AFF1: variants seen among roughly 807,000 people sequenced by gnomAD.
The protein encoded by AFF1 is AF4/FMR2 family member 1.
In AFF1, 48 loss-of-function variants were observed where a neutral mutation model predicts 121.7. The ratio of observed to expected loss-of-function variants is 0.39; its 90% CI spans 0.31 to 0.50. The LOEUF is 0.50. Ranked by LOEUF, AFF1 falls within the 20% of genes least tolerant of loss-of-function variation. AFF1 has a pLI of 0.76. For synonymous variants in AFF1, 613 were observed against 563.0 expected (o/e 1.09, Z -1.26); for missense variants, 1,523 against 1,511.7 (o/e 1.01, Z -0.12).
chr4:87,101,747 C>G (rs1398457653), intron 8 of AFF1, among the ~76,000 whole-genome samples: 5 of 152,172 alleles, frequency 3.3e-5, no homozygotes, highest in Non-Finnish European at 7.4e-5. Context: ...AAAAGTGTTA[C>G]TTTTCTTATT....
intron 1 of AFF1, 42 bp from the exon 2 acceptor site, chr4:86,948,456 C>T: frequency 7.3e-7 from 1 of 1,361,112 alleles, no homozygotes; most frequent in Non-Finnish European, 1.0e-6. Flanking sequence ...TGAATTTACT[C>T]ACAGGCTAAT....
chr4:86,996,739 CAAAA>C (rs941462118), intron 2 of AFF1, among the ~76,000 whole-genome samples: 6 of 149,052 alleles, frequency 4.0e-5, no homozygotes, highest in African/African-American at 1.0e-4. Context: ...AACAAACAAA[CAAAA>C]AAACCCACAA....
chr4:87,049,249 T>C (rs184372464), intron 4 of AFF1, among the ~76,000 whole-genome samples: 114 of 152,270 alleles, frequency 7.5e-4, no homozygotes, highest in African/African-American at 2.6e-3. Context: ...GAGAAATCGG[T>C]CCTTGCTGCA....
intron 8 of AFF1, among the ~76,000 whole-genome samples, chr4:87,095,985 G>A (rs1282032159): frequency 6.6e-6 from 1 of 152,126 alleles, no homozygotes; most frequent in Non-Finnish European, 1.5e-5. Context: ...ATTTTGGAAG[G>A]TGGGGATTGC....
At chr4:86,940,307 T>G (rs2594278) in intron 1 of AFF1, among the ~76,000 whole-genome samples, 41,148 of 152,142 alleles carry the variant, frequency 0.27, 6,739 homozygotes, top group South Asian at 0.48. Flanking sequence ...TTTCTTAGAC[T>G]GGTTTCCTAA....
chr4:87,045,736 G>T (rs571409855), intron 2 of AFF1, among the ~76,000 whole-genome samples: 2 of 152,070 alleles, frequency 1.3e-5, no homozygotes, highest in African/African-American at 2.4e-5. Flanking sequence ...CAAAATGTAC[G>T]CTACTGATCC....
chr4:86,971,934 T>G (rs950071038), intron 2 of AFF1, among the ~76,000 whole-genome samples: 6 of 151,936 alleles, frequency 3.9e-5, no homozygotes, highest in Non-Finnish European at 5.9e-5. Flanking sequence ...CCCAGGAATT[T>G]GAGACCAGCC....
intron 5 of AFF1, among the ~76,000 whole-genome samples, chr4:87,086,005 T>C (rs1432483510): frequency 6.6e-6 from 1 of 152,136 alleles, no homozygotes; most frequent in African/African-American, 2.4e-5. Context: ...CCTCAAAGTG[T>C]TGGGATTACA....
At chr4:87,069,993 T>C (rs1721853564) in intron 4 of AFF1, among the ~76,000 whole-genome samples, 1 of 150,026 alleles carries the variant, frequency 6.7e-6, no homozygotes, top group Non-Finnish European at 1.5e-5. Flanking sequence ...ACTAATTTTT[T>C]GTTGTTGGTT....
intron 2 of AFF1, chr4:87,007,317 C>T (rs1726249952): frequency 6.3e-7 from 1 of 1,595,732 alleles, no homozygotes; most frequent in Non-Finnish European, 8.5e-7. Flanking sequence ...CCCCGCCCGG[C>T]TCCGCCAAAT....
rs748866617 is a variant in AFF1, at chr4:87,139,658, T to G, written c.*3957T>G. 10 of 229,148 alleles carry G rather than the reference T, an allele frequency of 4.4e-5. No individual in the cohort carries two copies. Among genetic ancestry groups the G allele is most frequent in the African/African-American group, 6.7e-5 (3 of 45,100 alleles). 14.2% of individuals were successfully genotyped at this position (229,148 alleles called of 1,614,324 possible). The stretch of plus-strand genomic sequence containing the variant: ...TTCTTGAGCCAGTTGTCTCTTTTGT[T>G]TTGGGTCCCACTTAGGATTAATGGA... On this transcript the variant is annotated 3_prime_UTR_variant, in exon 21 of 21. Coordinates refer to ENST00000395146, the MANE Select transcript of AFF1 (RefSeq NM_001166693.3).
At chr4:87,098,517 C>A (rs1013974307) in intron 8 of AFF1, among the ~76,000 whole-genome samples, 2 of 152,066 alleles carry the variant, frequency 1.3e-5, no homozygotes, top group Non-Finnish European at 2.9e-5. Context: ...TCTGTGCAGC[C>A]AGATTTAGTT....
At chr4:87,053,870 GA>G (rs1215428707) in intron 4 of AFF1, among the ~76,000 whole-genome samples, 2 of 152,212 alleles carry the variant, frequency 1.3e-5, no homozygotes, top group Admixed American at 6.5e-5. Flanking sequence ...TATAAGAGGG[GA>G]TTGTGACTTA....
intron 1 of AFF1, among the ~76,000 whole-genome samples, chr4:86,946,521 A>ACG: frequency 1.5e-5 from 2 of 136,186 alleles, no homozygotes; most frequent in African/African-American, 5.5e-5. Flanking sequence ...TAAGTAGAGT[A>ACG]GCTGGGAACA....
intron 12 of AFF1, among the ~76,000 whole-genome samples, chr4:87,121,497 A>G (rs1183974369): frequency 6.6e-6 from 1 of 152,184 alleles, no homozygotes; most frequent in Admixed American, 6.5e-5. Flanking sequence ...TTCTGTGCCA[A>G]CTGACAAATA....
chr4:87,054,141 C>G (rs1228117512), intron 4 of AFF1, among the ~76,000 whole-genome samples: 2 of 152,200 alleles, frequency 1.3e-5, no homozygotes, highest in Non-Finnish European at 2.9e-5. Context: ...ATCAGAATCA[C>G]CTGGGAAGCC....
At chr4:86,965,766 T>TC (rs1722494103) in intron 2 of AFF1, among the ~76,000 whole-genome samples, 1 of 152,132 alleles carries the variant, frequency 6.6e-6, no homozygotes, top group African/African-American at 2.4e-5. Context: ...AAGGCCTTTC[T>TC]CCCCCATCAG....
At chr4:87,126,375 A>G (rs1728250827) in intron 14 of AFF1, 39 bp downstream of exon 14, 5 of 1,574,142 alleles carry the variant, frequency 3.2e-6, no homozygotes, top group Non-Finnish European at 3.5e-6. Context: ...GATGGGATGC[A>G]TTGCTGTACC....
intron 4 of AFF1, among the ~76,000 whole-genome samples, chr4:87,081,933 C>T (rs1723224679): frequency 6.6e-6 from 1 of 152,210 alleles, no homozygotes; most frequent in Admixed American, 6.5e-5. Flanking sequence ...ATTTCGGCGA[C>T]ATGAAACATC....
Sources: gnomAD v4.1 joint callset for allele counts (sites outside exome capture counted in the v4.1 genomes callset) on GRCh38, gnomAD v4.1.1 for gene constraint, MANE v1.5 for transcripts, NCBI Gene and HGNC (gene_info 2026-07-23, HGNC 2026-07-21) for gene names.